The following USP21 variants were observed in gnomAD, a reference collection of about 807,000 sequenced individuals.
USP21 encodes the protein ubiquitin specific peptidase 21.
In USP21, 37 loss-of-function variants were observed where a neutral mutation model predicts 70.8. The observed-to-expected ratio is 0.52, with a 90% confidence interval of 0.40 to 0.69. The LOEUF (loss-of-function observed/expected upper bound fraction) is 0.69, where lower values mean the gene tolerates loss of function less well. Among genes scored for constraint, USP21 ranks in the 30% least tolerant of loss-of-function variants. The probability of loss-of-function intolerance (pLI) is 0.00; values close to 1 mark genes in which losing one functional copy is unlikely to be tolerated. For missense variants in USP21, 584 were observed against 740.8 expected, an observed-to-expected ratio of 0.79 and a Z score of 2.46; for synonymous variants, 263 against 283.1, an observed-to-expected ratio of 0.93 and a Z score of 0.71.
Position 161,163,016 on chromosome 1 carries a change from G to A in USP21, c.991G>A (p.Gly331Ser). 7 of 1,613,874 alleles carry A rather than the reference G, an allele frequency of 4.3e-6. No individual in the cohort carries two copies. The highest frequency in any genetic ancestry group is 5.9e-6 in the Non-Finnish European group (7 of 1,179,916). ...GRRAPPILANGPVPSPPRRGG... is the reference protein window; with the variant it reads ...GRRAPPILANSPVPSPPRRGG... ...CCGGGCTCCACCGATACTTGCCAAT[G>A]GTCCAGTTCCCTCTCCACCCCGCCG... Residue 331 changes from glycine to serine, a missense_variant, in exon 7 of 14, where the codon GGT becomes AGT. By Grantham distance (56) the Gly-to-Ser change is moderately conservative. Coordinates refer to ENST00000368002, the MANE Select transcript of USP21 (RefSeq NM_001014443.3).
intron 13 of USP21, 61 bp from the exon 14 acceptor site, chr1:161,165,296 G>A: frequency 1.3e-6 from 2 of 1,538,490 alleles, no homozygotes; most frequent in South Asian, 1.1e-5. Flanking sequence ...GTTCGGTCTT[G>A]TAGGGAGAAG....
rs1571283567 is a variant in USP21, at chr1:161,162,519, C to CA, written c.782-96_782-95insA. On this transcript the variant is annotated intron_variant, in intron 5 of 13. Transcript: ENST00000368002. The surrounding 1 kb of genome is among the most constrained non-coding windows in gnomAD (Gnocchi z 4.1). ...TTGTATCTACTTTTCCCAGTGCCTA[C>CA]TTTCCTAAAGGTTATTTTCTACCCT... is the stretch of plus-strand genomic sequence containing the variant. 5.2e-6 allele frequency: 8 copies of CA among 1,535,756 alleles called. No individual in the cohort carries two copies. In the African/African-American group the frequency reaches 9.6e-5, roughly 18 times the overall value.
In USP21 at chr1:161,161,765, C is replaced by T; in HGVS notation, c.601-273C>T. On this transcript the variant is annotated intron_variant, in intron 3 of 13. Transcript: ENST00000368002. This position sits in a 1 kb window ranked among gnomAD's most constrained non-coding sequence, Gnocchi z 4.2. ...ACCATGCCGGTGCTGGGGGAGTTGC[C>T]CCAGGAGCTGCAACGTCAGCTAGCT... 1 of 514,580 alleles carries T rather than the reference C, an allele frequency of 1.9e-6. No homozygotes were observed. The highest frequency in any genetic ancestry group is 3.5e-6 in the Non-Finnish European group (1 of 286,520). The allele number at this position is 514,580 out of a possible 1,614,324, so 31.9% of individuals were successfully genotyped here.
intron 1 of USP21, among the ~76,000 whole-genome samples, chr1:161,159,909 C>T (rs1355584884): frequency 6.6e-6 from 1 of 152,200 alleles, no homozygotes; most frequent in Admixed American, 6.5e-5. Flanking sequence ...GGCTAAAGCC[C>T]TGCTGTGGTG....
chr1:161,162,220 C>G lies in USP21; in HGVS notation c.661-50C>G. ...GAGCTCTGAAGCTCTTCTAAGGCTT[C>G]CTGGGCAGTGGTCTGGAGAGATAAC... On this transcript the variant is annotated intron_variant, in intron 4 of 13. Coordinates refer to ENST00000368002, the MANE Select transcript of USP21 (RefSeq NM_001014443.3). The surrounding 1 kb of genome is among the most constrained non-coding windows in gnomAD (Gnocchi z 4.1). 2 of 1,611,354 alleles carry G rather than the reference C, an allele frequency of 1.2e-6. No individual in the cohort carries two copies. The highest frequency in any genetic ancestry group is 1.7e-6 in the Non-Finnish European group (2 of 1,178,168).
chr1:161,165,290 G>A (rs1031337275), intron 13 of USP21, 67 bp from the exon 14 acceptor site: 3 of 1,506,210 alleles, frequency 2.0e-6, no homozygotes, highest in African/African-American at 2.8e-5. Context: ...TCTGAGGTTC[G>A]GTCTTGTAGG....
In USP21 at chr1:161,161,298, A is replaced by G. The variant is rs1330128739; in HGVS notation, c.600+58A>G. On this transcript the variant is annotated intron_variant, in intron 3 of 13. Coordinates refer to ENST00000368002, the MANE Select transcript of USP21 (RefSeq NM_001014443.3). This position sits in a 1 kb window ranked among gnomAD's most constrained non-coding sequence, Gnocchi z 4.2. ...CCATGTTCCTCTGTGCTTTCCTGCC[A>G]TCCTCTGCCTTTTCTGTCCCCCATT... 5 of 1,515,696 alleles carry G rather than the reference A, an allele frequency of 3.3e-6. No homozygotes were observed. Among genetic ancestry groups the G allele is most frequent in the African/African-American group, 2.8e-5 (2 of 72,242 alleles). 93.9% of individuals were successfully genotyped at this position (1,515,696 alleles called of 1,614,324 possible).
rs549977147 is a variant in USP21, at chr1:161,163,161, T to C, written c.1049+87T>C. 3 of 1,457,302 alleles carry C rather than the reference T, an allele frequency of 2.1e-6. No homozygotes were observed. The African/African-American group carries it at 4.3e-5, about 21-fold the overall frequency. The allele number at this position is 1,457,302 out of a possible 1,614,324, so 90.3% of individuals were successfully genotyped here. On this transcript the variant is annotated intron_variant, in intron 7 of 13. Coordinates refer to ENST00000368002, the MANE Select transcript of USP21 (RefSeq NM_001014443.3). ...GAACTAAACTAGTAAAGATTGAAGA[T>C]GTAGGGTCCAGGGAAACCCTTTAGT...
chr1:161,161,313 T>G lies in USP21; in HGVS notation c.600+73T>G. ...CTTTCCTGCCATCCTCTGCCTTTTC[T>G]GTCCCCCATTTCCCTGAAGTTCCTT... is the stretch of plus-strand genomic sequence containing the variant. On this transcript the variant is annotated intron_variant, in intron 3 of 13. Transcript: ENST00000368002. The surrounding 1 kb of genome is among the most constrained non-coding windows in gnomAD (Gnocchi z 4.2). The G allele has an allele frequency of 6.7e-7, 1 of 1,497,602 alleles. No individual in the cohort carries two copies. The highest frequency in any genetic ancestry group is 8.9e-7 in the Non-Finnish European group (1 of 1,124,090). The allele number at this position is 1,497,602 out of a possible 1,614,324, so 92.8% of individuals were successfully genotyped here.
In USP21 at chr1:161,162,855, G is replaced by A. The variant is rs907454741; in HGVS notation, c.894-64G>A. On this transcript the variant is annotated intron_variant, in intron 6 of 13. Coordinates refer to ENST00000368002, the MANE Select transcript of USP21 (RefSeq NM_001014443.3). This position sits in a 1 kb window ranked among gnomAD's most constrained non-coding sequence, Gnocchi z 4.1. ...CCAGGAAGTGGGGACCAATATCTGG[G>A]CAGGGAATAGTGTCTGTGGACTAGG... is the stretch of plus-strand genomic sequence containing the variant. 3 of 1,591,934 alleles carry A rather than the reference G, an allele frequency of 1.9e-6. No individual in the cohort carries two copies. The African/African-American group carries it at 4.0e-5, about 21-fold the overall frequency.
At position 161,160,406 on chromosome 1, in the gene USP21, T is replaced by C. The variant is rs1398655796; in HGVS notation, c.-122T>C. 2 of 597,094 alleles carry C rather than the reference T, an allele frequency of 3.3e-6. No homozygotes were observed. Among genetic ancestry groups the C allele is most frequent in the African/African-American group, 3.7e-5 (2 of 54,224 alleles). 37.0% of individuals were successfully genotyped at this position (597,094 alleles called of 1,614,324 possible). ...TGGCTGATTCGATAGATCTGGTTCC[T>C]GCCCTCAGTGCGTATACTGCTCCCC... is the stretch of plus-strand genomic sequence containing the variant. On this transcript the variant is annotated 5_prime_UTR_variant, in exon 2 of 14. Transcript: ENST00000368002.
rs1396716119 is a variant in USP21, at chr1:161,160,695, A to G, written c.55A>G (p.Ile19Val). Residue 19 changes from isoleucine (I) to valine (V), a missense_variant, in exon 3 of 14, where the codon ATC (isoleucine) becomes GTC (valine). Coordinates refer to ENST00000368002, the MANE Select transcript of USP21 (RefSeq NM_001014443.3). ...CCGTACCCGAGAGCCACCTGTTAAT[A>G]TCCAGCCCCGAGTGGGATCCAAGCT... The part of the protein sequence containing the change: ...LGRTREPPVN[I>V]QPRVGSKLPF... The G allele has an allele frequency of 6.8e-6, 11 of 1,614,070 alleles. No homozygotes were observed. Among genetic ancestry groups the G allele is most frequent in the Non-Finnish European group, 9.3e-6 (11 of 1,180,018 alleles).
At position 161,163,008 on chromosome 1, in the gene USP21, T is replaced by C. The variant is rs771367592; in HGVS notation, c.983T>C (p.Leu328Pro). The C allele has an allele frequency of 2.5e-6, 4 of 1,613,858 alleles. No individual in the cohort carries two copies. The African/African-American group carries it at 5.3e-5, about 22-fold the overall frequency. The change falls in exon 7 of 14, where the codon CTT (leucine) becomes CCT (proline). Residue 328 changes from leucine to proline, a missense_variant. Around this residue, in one of 4 missense-constraint regions of USP21, gnomAD observed 40 missense variants for 29.3 expected, o/e 1.37. Transcript: ENST00000368002. ...NRRGRRAPPILANGPVPSPPR... is the reference protein window; with the variant it reads ...NRRGRRAPPIPANGPVPSPPR... ...CGAGGCCGCCGGGCTCCACCGATAC[T>C]TGCCAATGGTCCAGTTCCCTCTCCA...
In USP21 at chr1:161,162,168, C is replaced by T. The variant is rs1390998020; in HGVS notation, c.660+71C>T. On this transcript the variant is annotated intron_variant, in intron 4 of 13. Coordinates refer to ENST00000368002, the MANE Select transcript of USP21 (RefSeq NM_001014443.3). The surrounding 1 kb of genome is among the most constrained non-coding windows in gnomAD (Gnocchi z 4.1). ...TGGTGCTGGGGGTGGGGAAAACCCA[C>T]GAGCTTGGGGAAGGCATGTGGAAGG... 1.9e-5 allele frequency: 31 copies of T among 1,612,864 alleles called. No individual in the cohort carries two copies. The Admixed American group carries it at 4.0e-4, about 21-fold the overall frequency.
At position 161,161,347 on chromosome 1, in the gene USP21, C is replaced by T; in HGVS notation, c.600+107C>T. 1 of 1,395,106 alleles carries T rather than the reference C, an allele frequency of 7.2e-7. No individual in the cohort carries two copies. Among genetic ancestry groups the T allele is most frequent in the East Asian group, 2.3e-5 (1 of 43,430 alleles). The allele number at this position is 1,395,106 out of a possible 1,614,324, so 86.4% of individuals were successfully genotyped here. A position where few individuals can be genotyped will look rare whatever the true frequency, so the allele number is the denominator to read the frequency against. ...TTTCCCTGAAGTTCCTTTCTCAGCC[C>T]TTCATTACAGCAGTTTGGACATGCC... On this transcript the variant is annotated intron_variant, in intron 3 of 13. Transcript: ENST00000368002. The surrounding 1 kb of genome is among the most constrained non-coding windows in gnomAD (Gnocchi z 4.2).
At chr1:161,163,117 G>T in intron 7 of USP21, 43 bp downstream of exon 7, 1 of 1,546,332 alleles carries the variant, frequency 6.5e-7, no homozygotes, top group Non-Finnish European at 8.7e-7. Flanking sequence ...TAGTTTATCA[G>T]CATCATTCAC....
In USP21 at chr1:161,160,669, G is replaced by A; in HGVS notation, c.29G>A (p.Gly10Asp). 6.2e-7 allele frequency: 1 copy of A among 1,613,936 alleles called. No homozygotes were observed. Among genetic ancestry groups the A allele is most frequent in the East Asian group, 2.2e-5 (1 of 44,866 alleles). Residue 10 changes from glycine to aspartate, a missense_variant, in exon 3 of 14, where the codon GGC becomes GAC. By Grantham distance (94) the Gly-to-Asp change is moderately conservative (BLOSUM62 -1). Transcript: ENST00000368002. MPQASEHRL[G>D]RTREPPVNIQ... ...CCCCAGGCCTCTGAGCACCGCCTGG[G>A]CCGTACCCGAGAGCCACCTGTTAAT...
rs577115595 is a variant in USP21, at chr1:161,165,024, C to T, written c.1493-5C>T. 26 of 1,613,732 alleles carry T rather than the reference C, an allele frequency of 1.6e-5. No individual in the cohort carries two copies. Among genetic ancestry groups the T allele is most frequent in the Non-Finnish European group, 2.2e-5 (26 of 1,179,882 alleles). On this transcript the variant is annotated splice_polypyrimidine_tract_variant and splice_region_variant and intron_variant, in intron 12 of 13. Coordinates refer to ENST00000368002, the MANE Select transcript of USP21 (RefSeq NM_001014443.3). ...TATAGAACTTGATCATCTCCAACCC[C>T]GCAGGAAGTCCTGTATACCAGCTGT...
chr1:161,162,170 A>AGCTTGGGGAAG lies in USP21; in HGVS notation c.660+76_660+86dup. On this transcript the variant is annotated intron_variant, in intron 4 of 13. Transcript: ENST00000368002. The surrounding 1 kb of genome is among the most constrained non-coding windows in gnomAD (Gnocchi z 4.1). ...GTGCTGGGGGTGGGGAAAACCCACG[A>AGCTTGGGGAAG]GCTTGGGGAAGGCATGTGGAAGGAG... 1 of 1,612,758 alleles carries AGCTTGGGGAAG rather than the reference A, an allele frequency of 6.2e-7. No individual in the cohort carries two copies. Among genetic ancestry groups the AGCTTGGGGAAG allele is most frequent in the Non-Finnish European group, 8.5e-7 (1 of 1,178,776 alleles).
Sources: allele counts gnomAD v4.1 joint callset (sites outside exome capture counted in the v4.1 genomes callset), GRCh38; gene constraint gnomAD v4.1.1; regional missense constraint gnomAD v4.1.1; non-coding constraint Gnocchi (gnomAD v3.1); transcripts MANE v1.5; gene names NCBI Gene and HGNC (gene_info 2026-07-23, HGNC 2026-07-21).